Variants in MAGI1 observed in about 807,000 individuals in gnomAD.
MAGI1 encodes the protein membrane associated guanylate kinase, WW and PDZ domain containing 1, also known as membrane-associated guanylate kinase, WW and PDZ domain-containing protein 1.
Under a neutral mutation model 139.9 loss-of-function variants are expected in MAGI1, and 58 were observed. The ratio of observed to expected loss-of-function variants is 0.41; its 90% CI spans 0.34 to 0.52. The LOEUF is 0.52. Ranked by LOEUF, MAGI1 falls within the 20% of genes least tolerant of loss-of-function variation. The pLI, the probability that MAGI1 is intolerant of heterozygous loss-of-function variation, is 0.12. For synonymous variants in MAGI1, 812 were observed against 737.9 expected (o/e 1.10, Z -1.63); for missense variants, 1,874 against 1,901.6 (o/e 0.99, Z 0.27).
At chr3:65,844,700 A>G (rs1455984245) in intron 1 of MAGI1, among the ~76,000 whole-genome samples, 1 of 152,214 alleles carries the variant, frequency 6.6e-6, no homozygotes, top group Non-Finnish European at 1.5e-5. Flanking sequence ...CAGCTTAAAA[A>G]GAAACTGAAA....
intron 2 of MAGI1, among the ~76,000 whole-genome samples, chr3:65,545,521 G>A (rs756036600): frequency 2.6e-5 from 4 of 152,146 alleles, no homozygotes; most frequent in Admixed American, 2.0e-4. Flanking sequence ...AGGCCAGGAA[G>A]TACCCATAGT....
chr3:65,645,331 TAG>T (rs2085202024), intron 1 of MAGI1, among the ~76,000 whole-genome samples: 1 of 151,550 alleles, frequency 6.6e-6, no homozygotes, highest in South Asian at 2.1e-4. Context: ...ATAGAAAAAA[TAG>T]AGTGACAGTA....
At chr3:65,742,545 C>T (rs1333149069) in intron 1 of MAGI1, among the ~76,000 whole-genome samples, 5 of 152,286 alleles carry the variant, frequency 3.3e-5, no homozygotes, top group Middle Eastern at 3.4e-3. Flanking sequence ...AGACCCCAGT[C>T]GCTTTTCCCA....
chr3:65,794,640 G>A (rs926903038), intron 1 of MAGI1, among the ~76,000 whole-genome samples: 2 of 151,932 alleles, frequency 1.3e-5, no homozygotes, highest in Non-Finnish European at 2.9e-5. Context: ...GAGCCTAGGG[G>A]ACCTGCCTCA....
intron 1 of MAGI1, among the ~76,000 whole-genome samples, chr3:65,648,044 T>G (rs992234429): frequency 6.6e-6 from 1 of 152,148 alleles, no homozygotes; most frequent in Non-Finnish European, 1.5e-5. Context: ...ATTATCTACA[T>G]AGAAAATCCC....
chr3:65,947,129 T>C (rs1396569107), intron 1 of MAGI1, among the ~76,000 whole-genome samples: 5 of 152,226 alleles, frequency 3.3e-5, no homozygotes, highest in Non-Finnish European at 7.3e-5. Context: ...CTCATTGTTA[T>C]GTAAAATAAC....
chr3:65,610,707 A>T (rs2083004150), intron 2 of MAGI1, among the ~76,000 whole-genome samples: 1 of 105,964 alleles, frequency 9.4e-6, no homozygotes, highest in African/African-American at 3.4e-5. Flanking sequence ...AAGGAGAAAA[A>T]CGTCAGGTTC....
intron 1 of MAGI1, among the ~76,000 whole-genome samples, chr3:65,769,777 C>G (rs1323888241): frequency 6.6e-5 from 10 of 152,168 alleles, no homozygotes; most frequent in Admixed American, 6.5e-4. Context: ...CTCTATGTAA[C>G]AGTGCCTGTT....
Position 65,695,837 on chromosome 3 carries a change from G to A in MAGI1, c.314-73749C>T, listed in dbSNP as rs370743515. The stretch of plus-strand genomic sequence containing the variant: ...CCAGGACACTGGGAAAGGCCTCTGT[G>A]GTTGATTTGTGATGTCTGCCATGAG... On this transcript the variant is annotated intron_variant, in intron 1 of 22. Transcript: ENST00000402939. Among the ~76,000 whole-genome samples the A allele has an allele frequency of 2.6e-5, 4 of 152,270 alleles. No individual in the cohort carries two copies. In the East Asian group the frequency reaches 7.7e-4, roughly 29 times the overall value.
chr3:65,625,655 G>A (rs1468724064), intron 1 of MAGI1, among the ~76,000 whole-genome samples: 1 of 152,170 alleles, frequency 6.6e-6, no homozygotes, highest in Non-Finnish European at 1.5e-5. Context: ...TTATGATGTT[G>A]TTGAATGGAC....
At chr3:65,663,098 G>A (rs1333426681) in intron 1 of MAGI1, among the ~76,000 whole-genome samples, 1 of 152,048 alleles carries the variant, frequency 6.6e-6, no homozygotes, top group African/African-American at 2.4e-5. Flanking sequence ...TTTATTTCTT[G>A]AAAAGGGAAC....
chr3:65,493,308 A>G (rs1292907446), intron 3 of MAGI1, among the ~76,000 whole-genome samples: 1 of 152,204 alleles, frequency 6.6e-6, no homozygotes, highest in Non-Finnish European at 1.5e-5. Context: ...AAACTCCTAG[A>G]GAAAAACTAA....
At chr3:65,564,964 A>G (rs575069288) in intron 2 of MAGI1, among the ~76,000 whole-genome samples, 1 of 152,328 alleles carries the variant, frequency 6.6e-6, no homozygotes, top group African/African-American at 2.4e-5. Context: ...TCTTACCCAG[A>G]GGACCTAAAA....
rs561293082 is a variant in MAGI1 at position 65,834,784 on chromosome 3, T to C, written c.313+203212A>G. Reference sequence around the variant, plus strand: ...TTGTTTGTTGCATAGGCATTTAGAATTGCTATGTCGACATGGTGGAATGAC... The same window carrying C: ...TTGTTTGTTGCATAGGCATTTAGAACTGCTATGTCGACATGGTGGAATGAC... On this transcript the variant is annotated intron_variant, in intron 1 of 22. Coordinates refer to ENST00000402939, the MANE Select transcript of MAGI1 (RefSeq NM_001033057.2). Among the ~76,000 whole-genome samples, 2 of 152,370 alleles carry C rather than the reference T, an allele frequency of 1.3e-5. 1 individual carries two copies. Among genetic ancestry groups the C allele is most frequent in the South Asian group, 4.1e-4 (2 of 4,832 alleles).
At chr3:65,803,485 T>C (rs2040646452) in intron 1 of MAGI1, among the ~76,000 whole-genome samples, 1 of 152,222 alleles carries the variant, frequency 6.6e-6, no homozygotes, top group Non-Finnish European at 1.5e-5. Flanking sequence ...CATCTTTAAA[T>C]TATTCCCTGT....
At chr3:65,408,195 G>A (rs1347636690) in intron 12 of MAGI1, among the ~76,000 whole-genome samples, 2 of 152,148 alleles carry the variant, frequency 1.3e-5, no homozygotes, top group Non-Finnish European at 2.9e-5. Context: ...TTCCTAGGGT[G>A]AGATTTACTT....
intron 2 of MAGI1, among the ~76,000 whole-genome samples, chr3:65,552,992 C>T (rs1352460751): frequency 1.3e-5 from 2 of 152,072 alleles, no homozygotes; most frequent in African/African-American, 2.4e-5. Flanking sequence ...ATCTGTTCAG[C>T]GTGGTAATAC....
At chr3:66,020,324 C>T (rs1196553120) in intron 1 of MAGI1, among the ~76,000 whole-genome samples, 1 of 152,166 alleles carries the variant, frequency 6.6e-6, no homozygotes, top group Non-Finnish European at 1.5e-5. Context: ...ACAATCCCAG[C>T]TACTTGGGAA....
rs1025084101 is a variant in MAGI1, at chr3:65,359,680, A to C, written c.3634+1519T>G. 12 of 987,812 alleles carry C rather than the reference A, an allele frequency of 1.2e-5. No homozygotes were observed. In the Admixed American group the frequency reaches 4.7e-4, roughly 39 times the overall value. The allele number at this position is 987,812 out of a possible 1,614,324, so 61.2% of individuals were successfully genotyped here. Reference sequence around the variant, plus strand: ...AATGGAATTAGAGAGATTTAGTCCAAGTGACGCATGGAGACATTACAGTAG... The same window carrying C: ...AATGGAATTAGAGAGATTTAGTCCACGTGACGCATGGAGACATTACAGTAG... On this transcript the variant is annotated intron_variant, in intron 22 of 22. Coordinates refer to ENST00000402939, the MANE Select transcript of MAGI1 (RefSeq NM_001033057.2).
Sources: allele counts gnomAD v4.1 joint callset (sites outside exome capture counted in the v4.1 genomes callset), GRCh38; gene constraint gnomAD v4.1.1; transcripts MANE v1.5; gene names NCBI Gene and HGNC (gene_info 2026-07-23, HGNC 2026-07-21).